CHFR: variants seen among roughly 807,000 people sequenced by gnomAD.
CHFR encodes E3 ubiquitin-protein ligase CHFR.
Under a neutral mutation model 87.6 loss-of-function variants are expected in CHFR, and 57 were observed. The ratio of observed to expected loss-of-function variants is 0.65; its 90% confidence interval spans 0.53 to 0.81. CHFR has a LOEUF of 0.81. CHFR is among the 30% of genes least tolerant of loss of function. The probability of loss-of-function intolerance (pLI) is 0.00; values close to 1 mark genes in which losing one functional copy is unlikely to be tolerated. For synonymous variants in CHFR, 381 were observed against 359.2 expected (o/e 1.06, Z -0.69); for missense variants, 797 against 865.8 (o/e 0.92, Z 1.00).
intron 14 of CHFR, 175 bp downstream of exon 14, chr12:132,847,910 C>A: frequency 1.4e-6 from 2 of 1,453,596 alleles, no homozygotes; most frequent in Non-Finnish European, 1.8e-6. Flanking sequence ...CAGACAAACA[C>A]CAATGGCATG....
intron 14 of CHFR, chr12:132,847,816 A>C: frequency 7.6e-7 from 1 of 1,318,768 alleles, no homozygotes; most frequent in Non-Finnish European, 9.7e-7. Flanking sequence ...AGCTGCCGGG[A>C]ACAAGAGCTG....
chr12:132,850,746 C>T (rs986926423), intron 12 of CHFR, among the ~76,000 whole-genome samples: 17 of 152,204 alleles, frequency 1.1e-4, no homozygotes, highest in Non-Finnish European at 2.4e-4. Context: ...GGGCTCAGTG[C>T]ACAGAGCAAC....
In CHFR at chr12:132,841,604, G is replaced by A. The variant is rs1487063573; in HGVS notation, c.1917-8C>T. On this transcript the variant is annotated splice_region_variant and splice_polypyrimidine_tract_variant and intron_variant, in intron 17 of 17. Coordinates refer to ENST00000450056, the MANE Select transcript of CHFR (RefSeq NM_001161346.2). ...CAGATATGATTGAATTTCCTGCAGG[G>A]AGAAAATGGCCAAATTACACAAGAG... The A allele has an allele frequency of 1.2e-6, 2 of 1,612,766 alleles. No homozygotes were observed. Among genetic ancestry groups the A allele is most frequent in the Non-Finnish European group, 1.7e-6 (2 of 1,178,938 alleles).
At chr12:132,855,925 A>G (rs936086459) in intron 10 of CHFR, among the ~76,000 whole-genome samples, 12 of 152,148 alleles carry the variant, frequency 7.9e-5, no homozygotes, top group African/African-American at 2.4e-4. Context: ...GGTCTTGTGC[A>G]TTAGGAAACC....
At chr12:132,857,377 G>A (rs750639185) in intron 9 of CHFR, 28 bp downstream of exon 9, 62 of 1,610,894 alleles carry the variant, frequency 3.8e-5, no homozygotes, top group Non-Finnish European at 4.8e-5. Flanking sequence ...TCACGTGCCC[G>A]GGTGCTGGTG....
intron 2 of CHFR, among the ~76,000 whole-genome samples, chr12:132,886,861 A>G (rs548167667): frequency 1.3e-5 from 2 of 152,174 alleles, no homozygotes; most frequent in Non-Finnish European, 2.9e-5. Context: ...TCATGTCCAC[A>G]TATCTGTGAA....
intron 16 of CHFR, among the ~76,000 whole-genome samples, chr12:132,843,818 G>A (rs904628579): frequency 5.9e-5 from 9 of 152,046 alleles, no homozygotes; most frequent in East Asian, 1.9e-4. Context: ...GCGTGGTGGC[G>A]GGTGCCTGTA....
chr12:132,880,431 G>T lies in CHFR; in HGVS notation c.134-2777C>A, dbSNP rs187933172. Among the ~76,000 whole-genome samples the T allele has an allele frequency of 6.2e-3, 944 of 151,908 alleles. 16 individuals are homozygous for T. The highest frequency in any genetic ancestry group is 0.021 in the African/African-American group (854 of 41,412). On this transcript the variant is annotated intron_variant, in intron 2 of 17. Coordinates refer to ENST00000450056, the MANE Select transcript of CHFR (RefSeq NM_001161346.2). ...CAGCACTTTGGGAGGCCAAGGGGGGGGCGGATCACAAGGTCAGGAGATCGA... is the reference window on the plus strand; with the variant it reads ...CAGCACTTTGGGAGGCCAAGGGGGGTGCGGATCACAAGGTCAGGAGATCGA...
Position 132,852,430 on chromosome 12 carries a change from G to C in CHFR, c.1373-693C>G, listed in dbSNP as rs187057600. On this transcript the variant is annotated intron_variant, in intron 11 of 17. Coordinates refer to ENST00000450056, the MANE Select transcript of CHFR (RefSeq NM_001161346.2). ...TCTCAAATAAACAAAGGACAGCCAC[G>C]GTGCACAAGACCAATCGATGTGGCA... 2.3e-3 allele frequency among the ~76,000 whole-genome samples: 321 copies of C among 141,986 alleles called. 1 individual carries two copies. The highest frequency in any genetic ancestry group is 7.9e-3 in the African/African-American group (302 of 38,242). The allele number at this position is 141,986 out of a possible 152,430, so 93.1% of individuals were successfully genotyped here.
chr12:132,883,992 C>G (rs945369982), intron 2 of CHFR, among the ~76,000 whole-genome samples: 3 of 152,046 alleles, frequency 2.0e-5, no homozygotes, highest in African/African-American at 7.2e-5. Context: ...TGGTGGCACA[C>G]GCCTGAAATC....
chr12:132,885,836 G>A (rs1183137848), intron 2 of CHFR, among the ~76,000 whole-genome samples: 1 of 152,100 alleles, frequency 6.6e-6, no homozygotes, highest in Non-Finnish European at 1.5e-5. Flanking sequence ...TTGTCTCTAG[G>A]GCCTCTGCTC....
chr12:132,886,154 A>C (rs984014610), intron 2 of CHFR, among the ~76,000 whole-genome samples: 1 of 152,144 alleles, frequency 6.6e-6, no homozygotes, highest in African/African-American at 2.4e-5. Flanking sequence ...TCTACTAAAA[A>C]TACAAAAATT....
chr12:132,877,952 G>A (rs1272945217), intron 2 of CHFR, among the ~76,000 whole-genome samples: 4 of 152,100 alleles, frequency 2.6e-5, no homozygotes, highest in African/African-American at 4.8e-5. Flanking sequence ...GCAGGCGCCC[G>A]CCATCACGCC....
At chr12:132,843,853 G>A (rs1032187688) in intron 16 of CHFR, among the ~76,000 whole-genome samples, 174 bp downstream of exon 16, 5 of 152,000 alleles carry the variant, frequency 3.3e-5, no homozygotes, top group Admixed American at 3.3e-4. Context: ...GGAGGCTAAG[G>A]CAGAAGAATT....
Position 132,844,013 on chromosome 12 carries a change from C to G in CHFR, c.1843+14G>C. 1.3e-6 allele frequency: 2 copies of G among 1,564,188 alleles called. No homozygotes were observed. The highest frequency in any genetic ancestry group is 1.8e-6 in the Non-Finnish European group (2 of 1,135,000). On this transcript the variant is annotated intron_variant, in intron 16 of 17. Transcript: ENST00000450056. Reference sequence around the variant, plus strand: ...GACAGAACTAGAGCCATGAGGAAGTCGGGGGCTCCTTACCTGGCAACTCGG... The same window carrying G: ...GACAGAACTAGAGCCATGAGGAAGTGGGGGGCTCCTTACCTGGCAACTCGG...
At chr12:132,854,135 G>T (rs1204071077) in intron 10 of CHFR, 1 of 152,286 alleles carries the variant, frequency 6.6e-6, no homozygotes, top group Non-Finnish European at 1.5e-5. Flanking sequence ...TCACACCAAG[G>T]CCAGGGGCCA....
In CHFR at chr12:132,873,459, C is replaced by T. The variant is rs115234810; in HGVS notation, c.234-1065G>A. 6.5e-3 allele frequency among the ~76,000 whole-genome samples: 991 copies of T among 152,346 alleles called. 6 individuals are homozygous for T. The highest frequency in any genetic ancestry group is 0.023 in the African/African-American group (955 of 41,574). On this transcript the variant is annotated intron_variant, in intron 3 of 17. Coordinates refer to ENST00000450056, the MANE Select transcript of CHFR (RefSeq NM_001161346.2). ...TGCGGTTTTGAGCTGTGCAGATGCA[C>T]TTATACACGGGTTTTTTTCAATGAG...
In CHFR at chr12:132,848,199, G is replaced by A. The variant is rs199870613; in HGVS notation, c.1577-44C>T. 2.1e-5 allele frequency: 34 copies of A among 1,613,632 alleles called. No homozygotes were observed. The African/African-American group carries it at 2.8e-4, about 13-fold the overall frequency. ...AATGTTACCTGTTTATAATGATGTC[G>A]CAGGAAAGCACTGTCTGCCCGACAC... On this transcript the variant is annotated intron_variant, in intron 13 of 17. Transcript: ENST00000450056.
intron 14 of CHFR, chr12:132,847,497 T>C (rs1950855135): frequency 6.4e-6 from 7 of 1,097,778 alleles, no homozygotes; most frequent in Non-Finnish European, 6.7e-6. Flanking sequence ...CTGTTCTCTG[T>C]GCCCTTCAAA....
Sources: allele counts gnomAD v4.1 joint callset (sites outside exome capture counted in the v4.1 genomes callset), GRCh38; gene constraint gnomAD v4.1.1; transcripts MANE v1.5; gene names NCBI Gene and HGNC (gene_info 2026-07-23, HGNC 2026-07-21).